Variants in BEND3 observed in about 807,000 individuals in gnomAD.
The protein encoded by BEND3 is BEN domain-containing protein 3.
In BEND3, 13 loss-of-function variants were observed where a neutral mutation model predicts 60.1. The observed-to-expected ratio is 0.22, with a 90% CI of 0.14 to 0.34. The LOEUF (loss-of-function observed/expected upper bound fraction) is 0.34, where lower values mean the gene tolerates loss of function less well. Among genes scored for constraint, BEND3 ranks in the 10% least tolerant of loss-of-function variants. The pLI is 1.00. For missense variants in BEND3, 896 were observed against 1,138.1 expected, an observed-to-expected ratio of 0.79 and a Z score of 3.06; for synonymous variants, 497 against 491.5, an observed-to-expected ratio of 1.01 and a Z score of -0.15.
At position 107,103,905 on chromosome 6, in the gene BEND3, G is replaced by A. The variant is rs1414886601; in HGVS notation, c.-11-4609C>T. Among the ~76,000 whole-genome samples, 5 of 147,182 alleles carry A rather than the reference G, an allele frequency of 3.4e-5. No individual in the cohort carries two copies. The Admixed American group carries it at 3.5e-4, about 10-fold the overall frequency. ...GGAGGTTGTGAGGAGCCGAGATCGC[G>A]CCATTCAACGCCAGGCTAGGCAACA... On this transcript the variant is annotated intron_variant, in intron 1 of 3. Transcript: ENST00000369042.
At chr6:107,086,211 T>C (rs1554234229) in intron 3 of BEND3, among the ~76,000 whole-genome samples, 1 of 152,140 alleles carries the variant, frequency 6.6e-6, no homozygotes, top group Admixed American at 6.5e-5. Flanking sequence ...GCCTTTCACC[T>C]GGAGGAAGAG....
At chr6:107,086,351 G>A (rs968237786) in intron 3 of BEND3, among the ~76,000 whole-genome samples, 4 of 152,042 alleles carry the variant, frequency 2.6e-5, no homozygotes, top group African/African-American at 4.8e-5. Flanking sequence ...CTGGCCAGGC[G>A]CATGTTGGTA....
intron 3 of BEND3, among the ~76,000 whole-genome samples, chr6:107,076,578 G>T (rs1191135494): frequency 6.6e-6 from 1 of 152,202 alleles, no homozygotes; most frequent in African/African-American, 2.4e-5. Context: ...ACACCCTGGA[G>T]ATGCTCCAAG....
intron 3 of BEND3, among the ~76,000 whole-genome samples, chr6:107,073,091 A>G (rs1243604302): frequency 6.6e-6 from 1 of 151,040 alleles, no homozygotes; most frequent in East Asian, 2.0e-4. Flanking sequence ...CCCCATGAGG[A>G]CAACCATGCA....
intron 3 of BEND3, among the ~76,000 whole-genome samples, chr6:107,091,658 C>T (rs1251424583): frequency 6.6e-6 from 1 of 152,098 alleles, no homozygotes; most frequent in Non-Finnish European, 1.5e-5. Flanking sequence ...GAATCAGTAA[C>T]TAATAGCCTT....
At position 107,070,888 on chromosome 6, in the gene BEND3, C is replaced by T. The variant is rs782254016; in HGVS notation, c.303G>A (p.Gln101=). The part of the protein sequence containing the change: ...NSSPCQGNGE[Q]AGRGRSLGNV... ...TGCCCAGGCTCCTGCCCCTGCCGGC[C>T]TGCTCACCATTGCCTTGGCAGGGCG... is the stretch of plus-strand genomic sequence containing the variant. The change falls in exon 4 of 4, where the codon CAG becomes CAA. Residue 101 remains glutamine, a synonymous_variant. Transcript: ENST00000369042. This position sits in a 1 kb window ranked among gnomAD's most constrained non-coding sequence, Gnocchi z 6.9. 2.4e-5 allele frequency: 39 copies of T among 1,613,904 alleles called. No homozygotes were observed. The highest frequency in any genetic ancestry group is 3.3e-5 in the Non-Finnish European group (39 of 1,180,026).
At chr6:107,108,261 G>C (rs112085727) in intron 1 of BEND3, among the ~76,000 whole-genome samples, 36 of 152,226 alleles carry the variant, frequency 2.4e-4, no homozygotes, top group African/African-American at 8.2e-4. Flanking sequence ...CTTAATCTTT[G>C]GTCACTTGCG....
At chr6:107,071,586 G>A (rs575590725) in intron 3 of BEND3, among the ~76,000 whole-genome samples, 57 of 152,120 alleles carry the variant, frequency 3.7e-4, no homozygotes, top group Non-Finnish European at 5.3e-4. Context: ...AGAAAAAGCC[G>A]GCCCAGAACT....
rs782588658 is a variant in BEND3 at position 107,069,760 on chromosome 6, G to T, written c.1431C>A (p.Asn477Lys). 5 of 1,612,678 alleles carry T rather than the reference G, an allele frequency of 3.1e-6. No individual in the cohort carries two copies. The highest frequency in any genetic ancestry group is 2.2e-5 in the South Asian group (2 of 91,064). ...AWLQQCAQRI[N>K]DELEGLGLDA... is the part of the protein sequence containing the mutation. Reference sequence around the variant, plus strand: ...CCAGCCCCAGGCCCTCGAGCTCGTCGTTGATGCGCTGGGCACACTGCTGCA... The same window carrying T: ...CCAGCCCCAGGCCCTCGAGCTCGTCTTTGATGCGCTGGGCACACTGCTGCA... Residue 477 changes from asparagine (N) to lysine (K), a missense_variant, in exon 4 of 4, where the codon AAC (asparagine) becomes AAA (lysine). Asn to Lys is a moderately conservative substitution (Grantham distance 94). This residue lies in a region of BEND3 where 846 missense variants were observed against 1,036.7 expected (regional missense o/e 0.82). Transcript: ENST00000369042.
rs934143934 is a variant in BEND3, at chr6:107,085,691, C to T, written c.240+12860G>A. On this transcript the variant is annotated intron_variant, in intron 3 of 3. Coordinates refer to ENST00000369042, the MANE Select transcript of BEND3 (RefSeq NM_001367314.1). ...TATTTTTAGTAGAGATGGGGTTTCACTGTGTTAGCCAGGATGGTCTCGATT... is the reference window on the plus strand; with the variant it reads ...TATTTTTAGTAGAGATGGGGTTTCATTGTGTTAGCCAGGATGGTCTCGATT... Among the ~76,000 whole-genome samples, 8 of 151,854 alleles carry T rather than the reference C, an allele frequency of 5.3e-5. No homozygotes were observed. The South Asian group carries it at 6.2e-4, about 12-fold the overall frequency.
intron 3 of BEND3, 68 bp from the exon 4 acceptor site, chr6:107,071,018 C>T (rs1774969090): frequency 7.0e-7 from 1 of 1,437,214 alleles, no homozygotes; most frequent in African/African-American, 1.4e-5. Context: ...AAACAAGGGT[C>T]TGTGTAGCAC....
chr6:107,092,988 A>G (rs959636145), intron 3 of BEND3, among the ~76,000 whole-genome samples: 6 of 152,234 alleles, frequency 3.9e-5, no homozygotes, highest in African/African-American at 9.6e-5. Context: ...TAAAAATTAA[A>G]TAAATGGAGA....
At chr6:107,111,671 C>T (rs1395007903) in intron 1 of BEND3, among the ~76,000 whole-genome samples, 3 of 152,144 alleles carry the variant, frequency 2.0e-5, no homozygotes, top group African/African-American at 7.2e-5. Flanking sequence ...CAACCAAAAC[C>T]TATCACTTAA....
At chr6:107,072,806 A>G (rs6568462) in intron 3 of BEND3, among the ~76,000 whole-genome samples, 6,284 of 152,172 alleles carry the variant, frequency 0.041, 416 homozygotes, top group African/African-American at 0.13. Context: ...AACATGGCGA[A>G]ACACTGTCTC....
intron 3 of BEND3, among the ~76,000 whole-genome samples, chr6:107,077,768 G>A (rs1775130448): frequency 6.6e-6 from 1 of 152,136 alleles, no homozygotes; most frequent in Non-Finnish European, 1.5e-5. Flanking sequence ...TCATTAAAAT[G>A]GGAATGTACC....
chr6:107,092,529 G>A (rs1775497928), intron 3 of BEND3, among the ~76,000 whole-genome samples: 1 of 152,176 alleles, frequency 6.6e-6, no homozygotes, highest in African/African-American at 2.4e-5. Context: ...TGTACTTAAT[G>A]GTGAGAAATC....
rs782040970 is a variant in BEND3, at chr6:107,070,021, G to A, written c.1170C>T (p.His390=). The A allele has an allele frequency of 1.8e-5, 29 of 1,613,688 alleles. No homozygotes were observed. The Admixed American group carries it at 1.8e-4, about 10-fold the overall frequency. ...LDRSSTIASD[H]VVDTQDLTEF... ...CAGTGAGGTCCTGCGTGTCCACCAC[G>A]TGGTCTGAGGCGATGGTGCTGCTCC... Residue 390 remains histidine, a synonymous_variant, in exon 4 of 4, where the codon CAC becomes CAT. Coordinates refer to ENST00000369042, the MANE Select transcript of BEND3 (RefSeq NM_001367314.1). The surrounding 1 kb of genome is among the most constrained non-coding windows in gnomAD (Gnocchi z 6.9).
intron 1 of BEND3, among the ~76,000 whole-genome samples, chr6:107,104,131 C>CA (rs1273671443): frequency 1.3e-5 from 2 of 148,892 alleles, no homozygotes; most frequent in Non-Finnish European, 3.0e-5. Flanking sequence ...AAAAAAAATA[C>CA]AAAAAAAAAT....
In BEND3 at chr6:107,070,645, G is replaced by T. The variant is rs782044755; in HGVS notation, c.546C>A (p.Thr182=). 2 of 1,612,370 alleles carry T rather than the reference G, an allele frequency of 1.2e-6. No individual in the cohort carries two copies. ...TGGGGTCGTTGTCAGTGCCTGCCCC[G>T]GTGCTGCCACAGTCCCGCTTCTGTG... The part of the protein sequence containing the change: ...NEPQKRDCGS[T]GAGTDNDPNI... Residue 182 remains threonine (T), a synonymous_variant, in exon 4 of 4, where the codon ACC becomes ACA. Transcript: ENST00000369042. The surrounding 1 kb of genome is among the most constrained non-coding windows in gnomAD (Gnocchi z 6.9).
Sources: gnomAD v4.1 joint callset for allele counts (sites outside exome capture counted in the v4.1 genomes callset) on GRCh38, gnomAD v4.1.1 for gene constraint, gnomAD v4.1.1 regional missense constraint, Gnocchi (gnomAD v3.1) non-coding constraint, MANE v1.5 for transcripts, NCBI Gene and HGNC (gene_info 2026-07-23, HGNC 2026-07-21) for gene names.